ZSCAN1: variants seen among roughly 807,000 people sequenced by gnomAD.
ZSCAN1 encodes the protein zinc finger and SCAN domain containing 1.
ZSCAN1 carries 23 observed loss-of-function variants against 23.8 expected under a neutral mutation model. The observed-to-expected ratio is 0.97, with a 90% confidence interval of 0.70 to 1.37. The LOEUF (loss-of-function observed/expected upper bound fraction) is 1.37. Ranked by LOEUF, ZSCAN1 falls within the 40% of genes most tolerant of loss-of-function variation. The pLI is 0.00. For synonymous variants in ZSCAN1, 236 were observed against 232.3 expected (o/e 1.02, Z -0.15); for missense variants, 575 against 554.0 (o/e 1.04, Z -0.38).
intron 1 of ZSCAN1, among the ~76,000 whole-genome samples, chr19:58,035,162 C>G (rs2073725976): frequency 6.6e-6 from 1 of 152,120 alleles, no homozygotes; most frequent in Non-Finnish European, 1.5e-5. Context: ...TTCTAGGACC[C>G]CAGGGCCACC....
downstream of ZSCAN1, among the ~76,000 whole-genome samples, chr19:58,056,279 G>A (rs550860922): frequency 4.6e-5 from 7 of 152,338 alleles, no homozygotes; most frequent in South Asian, 1.4e-3. Context: ...ACAGCCCCCA[G>A]CACTGGGATG....
At position 58,040,262 on chromosome 19, in the gene ZSCAN1, G is replaced by A. The variant is rs1051510921; in HGVS notation, c.371-188G>A. On this transcript the variant is annotated intron_variant, in intron 3 of 5. Coordinates refer to ENST00000282326, the MANE Select transcript of ZSCAN1 (RefSeq NM_182572.4). This position sits in a 1 kb window ranked among gnomAD's most constrained non-coding sequence, Gnocchi z 5.8. ...AGGGTACTTGTCTTCAGCGGCCCTC[G>A]GTGTCACCACAGGTTCCTGCCCAGC... Among the ~76,000 whole-genome samples, 3 of 152,068 alleles carry A rather than the reference G, an allele frequency of 2.0e-5. No individual in the cohort carries two copies. The highest frequency in any genetic ancestry group is 3.9e-4 in the East Asian group (2 of 5,178).
At chr19:58,052,915 T>A (rs546701781) in intron 5 of ZSCAN1, among the ~76,000 whole-genome samples, 1 of 150,664 alleles carries the variant, frequency 6.6e-6, no homozygotes, top group Admixed American at 6.6e-5. Context: ...GCCAGCCAGG[T>A]AGGAACAAGG....
In ZSCAN1 at chr19:58,040,700, T is replaced by G. The variant is rs562232066; in HGVS notation, c.465+156T>G. ...CCAAACTCCCCGCCTGCCCCACAGA[T>G]TCCCCAAGCTTCCTGGGGCTCAGTG... On this transcript the variant is annotated intron_variant, in intron 4 of 5. Transcript: ENST00000282326. The surrounding 1 kb of genome is among the most constrained non-coding windows in gnomAD (Gnocchi z 5.8). Among the ~76,000 whole-genome samples, 70 of 152,268 alleles carry G rather than the reference T, an allele frequency of 4.6e-4. No homozygotes were observed. Among genetic ancestry groups the G allele is most frequent in the Admixed American group, 2.0e-4 (3 of 15,306 alleles).
intron 3 of ZSCAN1, chr19:58,038,438 TC>T: frequency 1.6e-6 from 1 of 620,798 alleles, no homozygotes; most frequent in Non-Finnish European, 2.8e-6. Flanking sequence ...TCCCTCCATT[TC>T]CCATGCGTCC....
intron 4 of ZSCAN1, among the ~76,000 whole-genome samples, chr19:58,042,238 T>A (rs183307171): frequency 3.4e-4 from 51 of 152,030 alleles, no homozygotes; most frequent in African/African-American, 1.2e-3. Flanking sequence ...GGGAGGAAAG[T>A]CTTTGAAGAG....
rs1054850926 is a variant in ZSCAN1 at position 58,040,364 on chromosome 19, G to A, written c.371-86G>A. On this transcript the variant is annotated intron_variant, in intron 3 of 5. Coordinates refer to ENST00000282326, the MANE Select transcript of ZSCAN1 (RefSeq NM_182572.4). The surrounding 1 kb of genome is among the most constrained non-coding windows in gnomAD (Gnocchi z 5.8). ...TCAGGGGTGCTGCAGGGATGTTCGG[G>A]GAAAGTCTGCCCTCCCCAGAAGGCC... 1.5e-5 allele frequency: 21 copies of A among 1,431,022 alleles called. No homozygotes were observed. The highest frequency in any genetic ancestry group is 2.1e-5 in the Non-Finnish European group (21 of 1,022,726). The allele number at this position is 1,431,022 out of a possible 1,614,324, so 88.6% of individuals were successfully genotyped here.
chr19:58,044,855 C>T (rs1215818695), intron 4 of ZSCAN1: 1 of 768,708 alleles, frequency 1.3e-6, no homozygotes, highest in African/African-American at 1.7e-5. Flanking sequence ...CCATGGACCT[C>T]CACCTCTGTG....
In ZSCAN1 at chr19:58,038,029, C is replaced by T; in HGVS notation, c.193C>T (p.Gln65Ter). 1.2e-6 allele frequency: 2 copies of T among 1,611,694 alleles called. No homozygotes were observed. The highest frequency in any genetic ancestry group is 1.7e-6 in the Non-Finnish European group (2 of 1,179,728). The change falls in exon 3 of 6, where the codon CAG becomes TAG. Residue 65 changes from glutamine to a stop codon, truncating the protein, a stop_gained. Transcript: ENST00000282326. LOFTEE classifies it high-confidence loss of function. Reference sequence around the variant, plus strand: ...GGGCCAGCTCTGGACGCTGTGCCGCCAGTGGCTGAGGCCCGAGGCGCGCTC... The same window carrying T: ...GGGCCAGCTCTGGACGCTGTGCCGCTAGTGGCTGAGGCCCGAGGCGCGCTC... The part of the protein sequence containing the change: ...ALGQLWTLCR[Q>*]WLRPEARSKE...
At position 58,053,865 on chromosome 19, in the gene ZSCAN1, G is replaced by A. The variant is rs73071865; in HGVS notation, c.1041G>A (p.Pro347=). 75,022 of 1,613,764 alleles carry A rather than the reference G, an allele frequency of 0.046. 2,294 individuals are homozygous for A. Among genetic ancestry groups the A allele is most frequent in the Admixed American group, 0.13 (7,668 of 60,010 alleles). ...EHGKIHLLEP[P]RKKAPRSKGP... Reference sequence around the variant, plus strand: ...GCAAGATCCACCTGCTGGAGCCACCGAGGAAGAAAGCCCCCCGGAGCAAGG... The same window carrying A: ...GCAAGATCCACCTGCTGGAGCCACCAAGGAAGAAAGCCCCCCGGAGCAAGG... Residue 347 remains proline, a synonymous_variant, in exon 6 of 6, where the codon CCG becomes CCA. Transcript: ENST00000282326. The surrounding 1 kb of genome is among the most constrained non-coding windows in gnomAD (Gnocchi z 5.8).
rs1327800622 is a variant in ZSCAN1 at position 58,045,068 on chromosome 19, G to A, written c.465+4524G>A. The A allele has an allele frequency of 1.0e-5, 12 of 1,144,292 alleles. No individual in the cohort carries two copies. The highest frequency in any genetic ancestry group is 3.0e-5 in the African/African-American group (2 of 66,076). The allele number at this position is 1,144,292 out of a possible 1,614,324, so 70.9% of individuals were successfully genotyped here. On this transcript the variant is annotated intron_variant, in intron 4 of 5. Coordinates refer to ENST00000282326, the MANE Select transcript of ZSCAN1 (RefSeq NM_182572.4). This position sits in a 1 kb window ranked among gnomAD's most constrained non-coding sequence, Gnocchi z 4.3. ...GGGCAGAGAGGGTGCTGGGCGAGCT[G>A]AGGCACTACTACCATGGCTTCCGCC...
At chr19:58,041,535 C>T (rs1330498016) in intron 4 of ZSCAN1, among the ~76,000 whole-genome samples, 1 of 152,232 alleles carries the variant, frequency 6.6e-6, no homozygotes, top group African/African-American at 2.4e-5. Context: ...AAAGACTGCA[C>T]ATGTGTGTCT....
chr19:58,040,141 G>A lies in ZSCAN1; in HGVS notation c.371-309G>A, dbSNP rs555734433. 4.2e-4 allele frequency among the ~76,000 whole-genome samples: 64 copies of A among 152,186 alleles called. 2 individuals are homozygous for A. Among genetic ancestry groups the A allele is most frequent in the Non-Finnish European group, 1.6e-4 (11 of 68,032 alleles). On this transcript the variant is annotated intron_variant, in intron 3 of 5. Coordinates refer to ENST00000282326, the MANE Select transcript of ZSCAN1 (RefSeq NM_182572.4). The surrounding 1 kb of genome is among the most constrained non-coding windows in gnomAD (Gnocchi z 5.8). ...GCCCCGGGGGGCTTGGGGAGCAGAG[G>A]GCTCACAGTGCTCGGGCCTCCCTAG...
chr19:58,044,750 G>T, intron 4 of ZSCAN1: 1 of 726,510 alleles, frequency 1.4e-6, no homozygotes. Flanking sequence ...TTTGGCTGCT[G>T]CACTCCCACC....
chr19:58,043,651 A>AT (rs67841377), intron 4 of ZSCAN1, among the ~76,000 whole-genome samples: 66 of 149,026 alleles, frequency 4.4e-4, no homozygotes, highest in East Asian at 4.0e-3. Context: ...TTTGCTTTAC[A>AT]TTTTTTTTTT....
chr19:58,040,311 C>T lies in ZSCAN1; in HGVS notation c.371-139C>T. 1 of 842,684 alleles carries T rather than the reference C, an allele frequency of 1.2e-6. No homozygotes were observed. Among genetic ancestry groups the T allele is most frequent in the South Asian group, 1.6e-5 (1 of 62,740 alleles). The allele number at this position is 842,684 out of a possible 1,614,324, so 52.2% of individuals were successfully genotyped here. ...GCAGCCACATGGAGGGACAGAATGA[C>T]AGCCCTGCAGCCACTCTTGCCTGCG... On this transcript the variant is annotated intron_variant, in intron 3 of 5. Transcript: ENST00000282326. The surrounding 1 kb of genome is among the most constrained non-coding windows in gnomAD (Gnocchi z 5.8).
At chr19:58,037,096 C>T (rs1258402560) in intron 2 of ZSCAN1, among the ~76,000 whole-genome samples, 2 of 152,190 alleles carry the variant, frequency 1.3e-5, no homozygotes, top group East Asian at 3.8e-4. Flanking sequence ...GTAGGAAAGT[C>T]AGGAAGACAG....
chr19:58,044,281 A>C (rs933904562), intron 4 of ZSCAN1, among the ~76,000 whole-genome samples: 29 of 142,782 alleles, frequency 2.0e-4, no homozygotes, highest in African/African-American at 6.9e-4. Context: ...TCAAAACAAA[A>C]CAAAACAAAA....
intron 4 of ZSCAN1, among the ~76,000 whole-genome samples, chr19:58,044,281 A>G (rs933904562): frequency 7.0e-6 from 1 of 142,782 alleles, no homozygotes; most frequent in Non-Finnish European, 1.5e-5. Flanking sequence ...TCAAAACAAA[A>G]CAAAACAAAA....
Sources: gnomAD v4.1 joint callset for allele counts (sites outside exome capture counted in the v4.1 genomes callset) on GRCh38, gnomAD v4.1.1 for gene constraint, Gnocchi (gnomAD v3.1) non-coding constraint, MANE v1.5 for transcripts, NCBI Gene and HGNC (gene_info 2026-07-23, HGNC 2026-07-21) for gene names.